Variants in PAM observed in about 807,000 individuals in gnomAD.
PAM encodes the protein peptidylglycine alpha-amidating monooxygenase.
In PAM, 72 loss-of-function variants were observed where a neutral mutation model predicts 122.1. The ratio of observed to expected loss-of-function variants is 0.59; its 90% CI spans 0.49 to 0.72. PAM has a LOEUF of 0.72. Among genes scored for constraint, PAM ranks in the 30% least tolerant of loss-of-function variants. The pLI is 0.00. For missense variants in PAM, 1,106 were observed against 1,183.7 expected, an observed-to-expected ratio of 0.93 and a Z score of 0.96; for synonymous variants, 389 against 404.4, an observed-to-expected ratio of 0.96 and a Z score of 0.46.
intron 22 of PAM, among the ~76,000 whole-genome samples, chr5:103,018,015 AT>A (rs1247031901): frequency 6.6e-6 from 1 of 152,154 alleles, no homozygotes; most frequent in African/African-American, 2.4e-5. Context: ...TCTAATTGGA[AT>A]TTGGACATCA....
intron 1 of PAM, among the ~76,000 whole-genome samples, chr5:102,777,151 A>G (rs1212783642): frequency 3.3e-5 from 5 of 152,264 alleles, no homozygotes; most frequent in African/African-American, 1.2e-4. Flanking sequence ...TAGCAATAAA[A>G]ATGGGTAATA....
In PAM at chr5:102,984,243, G is replaced by A. The variant is rs536299843; in HGVS notation, c.1484-6029G>A. Among the ~76,000 whole-genome samples the A allele has an allele frequency of 5.9e-5, 9 of 152,206 alleles. No individual in the cohort carries two copies. The East Asian group carries it at 7.7e-4, about 13-fold the overall frequency. ...TGACAAAAATAAATCCTCACCTACC[G>A]ATAATAACCTTGAATATAAATGGAT... On this transcript the variant is annotated intron_variant, in intron 15 of 25. Transcript: ENST00000438793.
At chr5:102,878,445 AT>A (rs1428553694) in intron 3 of PAM, among the ~76,000 whole-genome samples, 1 of 152,094 alleles carries the variant, frequency 6.6e-6, no homozygotes, top group Non-Finnish European at 1.5e-5. Context: ...TGGCTTATGT[AT>A]TTACTATACT....
At chr5:102,781,303 A>G (rs1413990220) in intron 1 of PAM, among the ~76,000 whole-genome samples, 2 of 152,218 alleles carry the variant, frequency 1.3e-5, no homozygotes, top group Non-Finnish European at 2.9e-5. Context: ...ATTTTGTAGT[A>G]TGAGAGCATA....
intron 8 of PAM, 84 bp from the exon 9 acceptor site, chr5:102,948,294 A>T (rs2151956342): frequency 1.5e-6 from 1 of 675,806 alleles, no homozygotes; most frequent in South Asian, 1.9e-5. Context: ...TTATAAACCA[A>T]AGTATTGAGG....
chr5:103,009,455 T>C (rs1189485970), intron 20 of PAM, among the ~76,000 whole-genome samples: 5 of 152,136 alleles, frequency 3.3e-5, no homozygotes, highest in Admixed American at 6.5e-5. Context: ...TAGCTATATA[T>C]GTGTATTATA....
intron 1 of PAM, among the ~76,000 whole-genome samples, chr5:102,855,192 T>C (rs17154779): frequency 0.11 from 17,242 of 152,156 alleles, 2,306 homozygotes; most frequent in African/African-American, 0.32. Flanking sequence ...CTAAACCCAA[T>C]TGAGCAGAAT....
intron 1 of PAM, among the ~76,000 whole-genome samples, chr5:102,784,051 G>T (rs920421117): frequency 6.6e-6 from 1 of 152,032 alleles, no homozygotes; most frequent in Non-Finnish European, 1.5e-5. Context: ...CCGCCACCAC[G>T]CCCAGCTAAT....
Position 102,771,986 on chromosome 5 carries a change from C to A in PAM, c.-374+16638C>A, listed in dbSNP as rs529216163. ...TCATTTTGTAGAGTGGAGAAGAAAA[C>A]CAGCTTCCTTCTGGCATTAGACATT... On this transcript the variant is annotated intron_variant, in intron 1 of 25. Coordinates refer to ENST00000438793, the MANE Select transcript of PAM (RefSeq NM_001177306.2). Among the ~76,000 whole-genome samples, 7 of 152,148 alleles carry A rather than the reference C, an allele frequency of 4.6e-5. No homozygotes were observed. In the East Asian group the frequency reaches 1.2e-3, roughly 25 times the overall value.
chr5:102,814,650 G>A (rs749292675), intron 1 of PAM, among the ~76,000 whole-genome samples: 1 of 149,252 alleles, frequency 6.7e-6, no homozygotes, highest in African/African-American at 2.5e-5. Context: ...TTACTTAAAA[G>A]CTATTATTGT....
intron 3 of PAM, among the ~76,000 whole-genome samples, chr5:102,887,640 AT>A (rs1373240141): frequency 6.6e-6 from 1 of 151,982 alleles, no homozygotes; most frequent in Non-Finnish European, 1.5e-5. Context: ...ACATTAGACT[AT>A]TTACCTCTTT....
At chr5:102,762,069 A>T (rs1334771119) in intron 1 of PAM, among the ~76,000 whole-genome samples, 1 of 152,176 alleles carries the variant, frequency 6.6e-6, no homozygotes, top group Non-Finnish European at 1.5e-5. Context: ...ACTTTGTTAA[A>T]TGTCTTTTTC....
At chr5:102,914,125 A>G in intron 5 of PAM, 104 bp downstream of exon 5, 1 of 685,536 alleles carries the variant, frequency 1.5e-6, no homozygotes, top group Non-Finnish European at 2.7e-6. Context: ...AAATAGGCAG[A>G]ACATTTTAAG....
chr5:102,829,927 TA>T (rs1774941424), intron 1 of PAM, among the ~76,000 whole-genome samples: 1 of 152,218 alleles, frequency 6.6e-6, no homozygotes, highest in Non-Finnish European at 1.5e-5. Flanking sequence ...ATATGACCTT[TA>T]AAAAATTTCA....
intron 8 of PAM, 130 bp downstream of exon 8, chr5:102,947,015 A>G (rs1373767303): frequency 1.4e-6 from 1 of 700,670 alleles, no homozygotes. Context: ...ACAAATATGT[A>G]TTGTCTCATT....
At chr5:103,008,617 C>T (rs1019533560) in intron 20 of PAM, among the ~76,000 whole-genome samples, 2 of 151,982 alleles carry the variant, frequency 1.3e-5, no homozygotes, top group African/African-American at 4.8e-5. Context: ...TTGCATATGG[C>T]TACTATCTGG....
intron 3 of PAM, among the ~76,000 whole-genome samples, chr5:102,898,822 G>C (rs1318883066): frequency 6.6e-6 from 1 of 151,590 alleles, no homozygotes; most frequent in Non-Finnish European, 1.5e-5. Flanking sequence ...TCTTTCCATA[G>C]TAGAAGAGAA....
At chr5:102,979,036 A>T (rs1049163300) in intron 15 of PAM, among the ~76,000 whole-genome samples, 41 of 141,368 alleles carry the variant, frequency 2.9e-4, no homozygotes, top group Non-Finnish European at 2.1e-4. Flanking sequence ...TGCATCACAC[A>T]CACACACACA....
intron 1 of PAM, among the ~76,000 whole-genome samples, chr5:102,813,459 C>T (rs1467332404): frequency 6.6e-6 from 1 of 152,202 alleles, no homozygotes; most frequent in Non-Finnish European, 1.5e-5. Context: ...TACGTCGTAA[C>T]TACTCCAAAG....
Sources: gnomAD v4.1 joint callset for allele counts (sites outside exome capture counted in the v4.1 genomes callset) on GRCh38, gnomAD v4.1.1 for gene constraint, MANE v1.5 for transcripts, NCBI Gene and HGNC (gene_info 2026-07-23, HGNC 2026-07-21) for gene names.